Variants in CCSER1 observed in about 807,000 individuals in gnomAD.
CCSER1 encodes coiled-coil serine rich protein 1, also known as serine-rich coiled-coil domain-containing protein 1.
CCSER1 carries 41 observed loss-of-function variants against 82.0 expected under a neutral mutation model. That is an observed-to-expected ratio of 0.50 (90% confidence interval 0.39 to 0.65). CCSER1 has a LOEUF of 0.65. Ranked by LOEUF, CCSER1 falls within the 30% of genes least tolerant of loss-of-function variation. The probability of loss-of-function intolerance (pLI) is 0.00; values close to 1 mark genes in which losing one functional copy is unlikely to be tolerated. For synonymous variants in CCSER1, 414 were observed against 383.9 expected (o/e 1.08, Z -0.92); for missense variants, 1,119 against 1,064.2 (o/e 1.05, Z -0.72).
intron 10 of CCSER1, among the ~76,000 whole-genome samples, chr4:91,319,926 C>G (rs560211642): frequency 6.6e-6 from 1 of 152,134 alleles, no homozygotes; most frequent in East Asian, 1.9e-4. Context: ...AGAAACAAAC[C>G]AATCCTGAGT....
At chr4:91,300,342 A>G (rs1392762723) in intron 10 of CCSER1, among the ~76,000 whole-genome samples, 1 of 151,892 alleles carries the variant, frequency 6.6e-6, no homozygotes, top group Non-Finnish European at 1.5e-5. Flanking sequence ...ATGAATTACA[A>G]CTCTGAATAA....
intron 3 of CCSER1, among the ~76,000 whole-genome samples, chr4:90,362,009 G>A (rs1745472390): frequency 6.6e-6 from 1 of 152,130 alleles, no homozygotes; most frequent in Admixed American, 6.6e-5. Flanking sequence ...AAGTCAGGCA[G>A]GCTTACTTTC....
chr4:91,087,125 A>G (rs1723468911), intron 10 of CCSER1, among the ~76,000 whole-genome samples: 2 of 152,200 alleles, frequency 1.3e-5, no homozygotes, highest in African/African-American at 4.8e-5. Context: ...ACCAAAATGG[A>G]TCTACTTATA....
chr4:90,686,684 G>A (rs1209728309), intron 6 of CCSER1, among the ~76,000 whole-genome samples: 1 of 152,036 alleles, frequency 6.6e-6, no homozygotes, highest in Non-Finnish European at 1.5e-5. Flanking sequence ...AAACACCAAT[G>A]TTCTGAAAAT....
At chr4:90,342,074 T>C (rs1185829393) in intron 3 of CCSER1, among the ~76,000 whole-genome samples, 2 of 152,170 alleles carry the variant, frequency 1.3e-5, no homozygotes, top group Non-Finnish European at 2.9e-5. Flanking sequence ...TGGCAAAGTA[T>C]TTAATAAGAC....
chr4:90,946,251 A>G (rs1418385445), intron 9 of CCSER1, among the ~76,000 whole-genome samples: 1 of 152,196 alleles, frequency 6.6e-6, no homozygotes, highest in Non-Finnish European at 1.5e-5. Context: ...TGCTGTGACA[A>G]TGTTCTAAGT....
At chr4:91,170,907 C>A (rs1386217293) in intron 10 of CCSER1, among the ~76,000 whole-genome samples, 3 of 152,156 alleles carry the variant, frequency 2.0e-5, no homozygotes, top group Non-Finnish European at 4.4e-5. Flanking sequence ...CTTTATCTTC[C>A]TATGCACAAC....
At chr4:90,981,466 T>A (rs1736108216) in intron 9 of CCSER1, among the ~76,000 whole-genome samples, 1 of 151,804 alleles carries the variant, frequency 6.6e-6, no homozygotes, top group African/African-American at 2.4e-5. Context: ...CAAAGATAAT[T>A]ACGTTTAATC....
rs918041315 is a variant in CCSER1, at chr4:91,489,059, A to G, written c.2218-109513A>G. Among the ~76,000 whole-genome samples the G allele has an allele frequency of 2.6e-5, 4 of 152,324 alleles. 1 individual carries two copies. The highest frequency in any genetic ancestry group is 4.1e-4 in the South Asian group (2 of 4,826). On this transcript the variant is annotated intron_variant, in intron 10 of 10. Coordinates refer to ENST00000509176, the MANE Select transcript of CCSER1 (RefSeq NM_001145065.2). The stretch of plus-strand genomic sequence containing the variant: ...GTTACATTTACATAGCGAGTCCTAG[A>G]AAAAAAGTGATTGAGTAAGCCTTGT...
rs116033801 is a variant in CCSER1 at position 91,147,812 on chromosome 4, G to C, written c.2217+61818G>C. 5.3e-3 allele frequency among the ~76,000 whole-genome samples: 802 copies of C among 152,280 alleles called. 7 individuals are homozygous for C. Among genetic ancestry groups the C allele is most frequent in the African/African-American group, 0.018 (759 of 41,578 alleles). On this transcript the variant is annotated intron_variant, in intron 10 of 10. Coordinates refer to ENST00000509176, the MANE Select transcript of CCSER1 (RefSeq NM_001145065.2). Reference sequence around the variant, plus strand: ...ATGATAAAAATGTACTGTCTGTTAGGAGAGAAAAAATGATACACTTAAAAC... The same window carrying C: ...ATGATAAAAATGTACTGTCTGTTAGCAGAGAAAAAATGATACACTTAAAAC...
At chr4:90,957,195 C>T (rs1273022560) in intron 9 of CCSER1, among the ~76,000 whole-genome samples, 3 of 146,454 alleles carry the variant, frequency 2.0e-5, no homozygotes, top group East Asian at 2.0e-4. Context: ...CTCTGCCTCC[C>T]GGGTTCAAGC....
intron 9 of CCSER1, among the ~76,000 whole-genome samples, chr4:90,960,463 G>C (rs1271973870): frequency 6.6e-6 from 1 of 152,080 alleles, no homozygotes; most frequent in African/African-American, 2.4e-5. Context: ...TACATCATTA[G>C]GTTCAGGCTT....
At chr4:91,264,323 A>C (rs190857466) in intron 10 of CCSER1, among the ~76,000 whole-genome samples, 1,555 of 151,804 alleles carry the variant, frequency 0.01, 28 homozygotes, top group African/African-American at 0.034. Context: ...CAATAAAAAA[A>C]TCATGGTTGT....
rs115423229 is a variant in CCSER1, at chr4:91,394,498, G to A, written c.2218-204074G>A. On this transcript the variant is annotated intron_variant, in intron 10 of 10. Coordinates refer to ENST00000509176, the MANE Select transcript of CCSER1 (RefSeq NM_001145065.2). ...AATATCATAGACTATTAATTAGTTC[G>A]GCAGATAAAATTGAATATACAAAGG... 4.3e-3 allele frequency among the ~76,000 whole-genome samples: 651 copies of A among 151,872 alleles called. 8 individuals carry two copies. The highest frequency in any genetic ancestry group is 5.8e-3 in the Non-Finnish European group (391 of 67,932).
At chr4:91,188,040 A>T (rs1404753884) in intron 10 of CCSER1, among the ~76,000 whole-genome samples, 1 of 152,028 alleles carries the variant, frequency 6.6e-6, no homozygotes, top group Non-Finnish European at 1.5e-5. Context: ...AGAGTCCAAG[A>T]TTAAAAGAAA....
chr4:90,342,970 C>T (rs943024213), intron 3 of CCSER1, among the ~76,000 whole-genome samples: 1 of 152,032 alleles, frequency 6.6e-6, no homozygotes, highest in Admixed American at 6.6e-5. Context: ...GTATTGATGT[C>T]CTCCAGATAT....
intron 10 of CCSER1, among the ~76,000 whole-genome samples, chr4:91,591,049 C>T (rs1764240551): frequency 6.6e-6 from 1 of 152,040 alleles, no homozygotes; most frequent in African/African-American, 2.4e-5. Context: ...CCCTTGGGGA[C>T]ATTTGGCAAT....
intron 5 of CCSER1, among the ~76,000 whole-genome samples, chr4:90,559,611 A>G (rs1304845484): frequency 6.6e-6 from 1 of 152,040 alleles, no homozygotes; most frequent in African/African-American, 2.4e-5. Flanking sequence ...GCTTGAGCCC[A>G]GGAGTTTGAG....
rs151021890 is a variant in CCSER1 at position 91,166,532 on chromosome 4, A to G, written c.2217+80538A>G. 2.9e-3 allele frequency among the ~76,000 whole-genome samples: 443 copies of G among 152,352 alleles called. 2 individuals are homozygous for G. Among genetic ancestry groups the G allele is most frequent in the Middle Eastern group, 0.01 (3 of 294 alleles). The stretch of plus-strand genomic sequence containing the variant: ...ACCGTCTAAGCATCTACTTTTTAAA[A>G]TGTTGTTTAAGATGAGGCTTATAAA... On this transcript the variant is annotated intron_variant, in intron 10 of 10. Transcript: ENST00000509176.
Sources: gnomAD v4.1 joint callset for allele counts (sites outside exome capture counted in the v4.1 genomes callset) on GRCh38, gnomAD v4.1.1 for gene constraint, MANE v1.5 for transcripts, NCBI Gene and HGNC (gene_info 2026-07-23, HGNC 2026-07-21) for gene names.